The following UBE4B variants were observed in gnomAD, a reference collection of about 807,000 sequenced individuals.
UBE4B encodes the protein ubiquitin conjugation factor E4 B.
In UBE4B, 27 loss-of-function variants were observed where a neutral mutation model predicts 148.1. That is an observed-to-expected ratio of 0.18 (90% CI 0.13 to 0.25). The LOEUF is 0.25. Among genes scored for constraint, UBE4B ranks in the 10% least tolerant of loss-of-function variants. UBE4B has a pLI of 1.00. For synonymous variants in UBE4B, 596 were observed against 619.3 expected, an observed-to-expected ratio of 0.96 and a Z score of 0.56; for missense variants, 1,170 against 1,662.4, an observed-to-expected ratio of 0.70 and a Z score of 5.15.
At chr1:10,053,250 G>A (rs1388588529) in intron 1 of UBE4B, among the ~76,000 whole-genome samples, 2 of 148,280 alleles carry the variant, frequency 1.3e-5, no homozygotes, top group East Asian at 2.1e-4. Flanking sequence ...CCAGGTTCAC[G>A]CCATTCTCCT....
At chr1:10,127,324 G>GAGA (rs1645518305) in intron 11 of UBE4B, among the ~76,000 whole-genome samples, 1 of 151,896 alleles carries the variant, frequency 6.6e-6, no homozygotes, top group Admixed American at 6.6e-5. Flanking sequence ...TAGCTCTCTT[G>GAGA]TTCACCCTCC....
chr1:10,117,935 A>G (rs1645341271), intron 8 of UBE4B, among the ~76,000 whole-genome samples: 1 of 152,238 alleles, frequency 6.6e-6, no homozygotes, highest in Non-Finnish European at 1.5e-5. Flanking sequence ...CCAACATTAT[A>G]GAGCCTCTGT....
At chr1:10,174,392 C>CAAA (rs796969203) in intron 25 of UBE4B, among the ~76,000 whole-genome samples, 1 of 109,958 alleles carries the variant, frequency 9.1e-6, no homozygotes. Context: ...GACTCCATAT[C>CAAA]AAAAAAAAAA....
chr1:10,176,784 C>CTTTT (rs946016031), intron 25 of UBE4B, among the ~76,000 whole-genome samples: 6 of 121,774 alleles, frequency 4.9e-5, no homozygotes, highest in African/African-American at 1.2e-4. Flanking sequence ...TTTTCTTTTT[C>CTTTT]TTTTTTTTTT....
intron 2 of UBE4B, among the ~76,000 whole-genome samples, chr1:10,092,697 G>T (rs1376925858): frequency 3.9e-5 from 6 of 151,988 alleles, no homozygotes; most frequent in Non-Finnish European, 7.4e-5. Flanking sequence ...GCATGGTGGC[G>T]CATGCCTGTA....
chr1:10,045,930 G>C (rs1398492577), intron 1 of UBE4B, among the ~76,000 whole-genome samples: 1 of 152,220 alleles, frequency 6.6e-6, no homozygotes, highest in Non-Finnish European at 1.5e-5. Flanking sequence ...AGTGGCAGCT[G>C]CTTAAGCCAG....
rs1161182887 is a variant in UBE4B at position 10,097,906 on chromosome 1, T to C, written c.347+2310T>C. 2.0e-5 allele frequency among the ~76,000 whole-genome samples: 3 copies of C among 152,190 alleles called. No homozygotes were observed. In the East Asian group the frequency reaches 5.8e-4, roughly 29 times the overall value. Reference sequence around the variant, plus strand: ...TTTTTTTGGAGACGGAGTCTCACTCTGTCTCCCATACTGGAATGCCGTGGC... The same window carrying C: ...TTTTTTTGGAGACGGAGTCTCACTCCGTCTCCCATACTGGAATGCCGTGGC... On this transcript the variant is annotated intron_variant, in intron 3 of 27. Transcript: ENST00000343090.
At chr1:10,108,646 A>G (rs1377657592) in intron 7 of UBE4B, among the ~76,000 whole-genome samples, 4 of 152,190 alleles carry the variant, frequency 2.6e-5, no homozygotes, top group African/African-American at 9.7e-5. Context: ...ACTTCATTCA[A>G]TTCGATGGTG....
At chr1:10,067,230 C>G (rs1006609176) in intron 1 of UBE4B, among the ~76,000 whole-genome samples, 1 of 152,062 alleles carries the variant, frequency 6.6e-6, no homozygotes, top group Non-Finnish European at 1.5e-5. Context: ...CGTCATATAA[C>G]AGATTAGGAG....
intron 1 of UBE4B, among the ~76,000 whole-genome samples, chr1:10,038,931 G>A (rs1220981959): frequency 6.6e-6 from 1 of 151,894 alleles, no homozygotes; most frequent in Non-Finnish European, 1.5e-5. Flanking sequence ...GTGATGGTAC[G>A]CACCTGTAAT....
At chr1:10,045,981 G>T (rs542358094) in intron 1 of UBE4B, among the ~76,000 whole-genome samples, 4 of 152,336 alleles carry the variant, frequency 2.6e-5, no homozygotes, top group East Asian at 1.9e-4. Flanking sequence ...CTGGGTAGGA[G>T]GCCGGGGCTG....
chr1:10,065,130 C>T (rs1236330755), intron 1 of UBE4B, among the ~76,000 whole-genome samples: 2 of 152,118 alleles, frequency 1.3e-5, no homozygotes, highest in Non-Finnish European at 2.9e-5. Flanking sequence ...TTTTTTGTTA[C>T]ATTCACTTTG....
rs369488590 is a variant in UBE4B, at chr1:10,090,769, G to A, written c.212-4692G>A. Among the ~76,000 whole-genome samples the A allele has an allele frequency of 4.0e-5, 6 of 149,240 alleles. No homozygotes were observed. The South Asian group carries it at 8.5e-4, about 21-fold the overall frequency. The stretch of plus-strand genomic sequence containing the variant: ...TTTGACAATTCTGTGCTCTTTTTAC[G>A]GTGGAATTTAGAAGCCTATGCATTT... On this transcript the variant is annotated intron_variant, in intron 2 of 27. Coordinates refer to ENST00000343090, the MANE Select transcript of UBE4B (RefSeq NM_001105562.3).
At chr1:10,140,318 GA>G (rs1231156848) in intron 17 of UBE4B, among the ~76,000 whole-genome samples, 2 of 152,108 alleles carry the variant, frequency 1.3e-5, no homozygotes, top group East Asian at 3.9e-4. Flanking sequence ...ATCATGGTAA[GA>G]AAATATATTT....
chr1:10,149,915 G>A (rs1645942710), intron 20 of UBE4B, among the ~76,000 whole-genome samples: 2 of 152,134 alleles, frequency 1.3e-5, no homozygotes, highest in South Asian at 2.1e-4. Context: ...AGACATGCAG[G>A]AGGATTGCTT....
At chr1:10,127,773 A>G (rs999238104) in intron 11 of UBE4B, among the ~76,000 whole-genome samples, 6 of 152,226 alleles carry the variant, frequency 3.9e-5, no homozygotes, top group African/African-American at 1.4e-4. Context: ...CTAGGAAGAC[A>G]AGGTCCCTCT....
At chr1:10,149,160 T>G (rs1645930339) in intron 19 of UBE4B, 24 bp from the exon 20 acceptor site, 2 of 1,509,830 alleles carry the variant, frequency 1.3e-6, no homozygotes, top group Non-Finnish European at 1.8e-6. Context: ...ATTTAATAAA[T>G]TGTCCTTTTT....
intron 1 of UBE4B, among the ~76,000 whole-genome samples, chr1:10,068,246 C>T (rs1480886891): frequency 6.6e-6 from 1 of 152,040 alleles, no homozygotes; most frequent in African/African-American, 2.4e-5. Context: ...CCAGGCCGGT[C>T]TCAAACTCCT....
At chr1:10,126,341 A>G (rs1028977338) in intron 10 of UBE4B, among the ~76,000 whole-genome samples, 1 of 152,146 alleles carries the variant, frequency 6.6e-6, no homozygotes, top group Non-Finnish European at 1.5e-5. Flanking sequence ...ATAGATAGAT[A>G]GATAGATAGA....
Sources: gnomAD v4.1 joint callset for allele counts (sites outside exome capture counted in the v4.1 genomes callset) on GRCh38, gnomAD v4.1.1 for gene constraint, MANE v1.5 for transcripts, NCBI Gene and HGNC (gene_info 2026-07-23, HGNC 2026-07-21) for gene names.